Variants in PRSS21 observed in about 807,000 individuals in gnomAD.
The protein encoded by PRSS21 is testisin.
In PRSS21, 40 loss-of-function variants were observed where a neutral mutation model predicts 31.1. The ratio of observed to expected loss-of-function variants is 1.29; its 90% CI spans 1.00 to 1.68. The LOEUF is 1.68. PRSS21 is among the 40% of genes most tolerant of loss of function. The pLI is 0.00. For missense variants in PRSS21, 467 were observed against 412.6 expected (o/e 1.13, Z -1.14); for synonymous variants, 186 against 167.7 (o/e 1.11, Z -0.84).
rs774057105 is a variant in PRSS21, at chr16:2,821,558, C to A, written c.898C>A (p.Leu300Ile). The change falls in exon 6 of 6, where the codon CTC (leucine) becomes ATC (isoleucine). Residue 300 changes from leucine (L) to isoleucine (I), a missense_variant. Coordinates refer to ENST00000005995, the MANE Select transcript of PRSS21 (RefSeq NM_006799.4). ...CCAGCCAGACCCCTCCTGGCCGCTA[C>A]TCTTTTTCCCTCTTCTCTGGGCTCT... ...MSQPDPSWPL[L>I]FFPLLWALPL... 3.1e-6 allele frequency: 5 copies of A among 1,614,012 alleles called. No individual in the cohort carries two copies. The Admixed American group carries it at 8.3e-5, about 27-fold the overall frequency.
At chr16:2,820,101 G>C (rs116539773) in intron 4 of PRSS21, among the ~76,000 whole-genome samples, 10 of 152,312 alleles carry the variant, frequency 6.6e-5, no homozygotes, top group Admixed American at 2.0e-4. Context: ...CAGGGGACAG[G>C]CACTTCTGGA....
Position 2,817,658 on chromosome 16 carries a change from C to T in PRSS21, c.92-143C>T. On this transcript the variant is annotated intron_variant, in intron 2 of 5. Coordinates refer to ENST00000005995, the MANE Select transcript of PRSS21 (RefSeq NM_006799.4). The surrounding 1 kb of genome is among the most constrained non-coding windows in gnomAD (Gnocchi z 4.2). ...GAGCACGTGGGAGGATCTCCAGTGT[C>T]ACCTACTTCCTGCTGCACACACGCG... 1 of 1,276,970 alleles carries T rather than the reference C, an allele frequency of 7.8e-7. No individual in the cohort carries two copies. The highest frequency in any genetic ancestry group is 1.4e-5 in the South Asian group (1 of 69,694). The allele number at this position is 1,276,970 out of a possible 1,614,324, so 79.1% of individuals were successfully genotyped here.
rs1435158125 is a variant in PRSS21 at position 2,817,955 on chromosome 16, C to T, written c.246C>T (p.His82=). Reference sequence around the variant, plus strand: ...ACCGCTGGGCACTCACGGCGGCGCACTGCTTTGAAACGTGAGTGGGGGTGC... The same window carrying T: ...ACCGCTGGGCACTCACGGCGGCGCATTGCTTTGAAACGTGAGTGGGGGTGC... The part of the protein sequence containing the change: ...LSHRWALTAA[H]CFETYSDLSD... Residue 82 remains histidine (H), a synonymous_variant, in exon 3 of 6, where the codon CAC becomes CAT. Coordinates refer to ENST00000005995, the MANE Select transcript of PRSS21 (RefSeq NM_006799.4). This position sits in a 1 kb window ranked among gnomAD's most constrained non-coding sequence, Gnocchi z 4.2. 8 of 1,548,820 alleles carry T rather than the reference C, an allele frequency of 5.2e-6. No individual in the cohort carries two copies. Among genetic ancestry groups the T allele is most frequent in the Non-Finnish European group, 7.0e-6 (8 of 1,146,726 alleles).
In PRSS21 at chr16:2,818,986, G is replaced by A. The variant is rs372758003; in HGVS notation, c.550+17G>A. On this transcript the variant is annotated intron_variant, in intron 4 of 5. Transcript: ENST00000005995. ...AGGATGAGGGTGAGGCTGGGGACAGGCGGGTCAGGGAGGAACTGTCTTTGT... is the reference window on the plus strand; with the variant it reads ...AGGATGAGGGTGAGGCTGGGGACAGACGGGTCAGGGAGGAACTGTCTTTGT... The A allele has an allele frequency of 4.0e-5, 65 of 1,612,032 alleles. No individual in the cohort carries two copies. The African/African-American group carries it at 7.6e-4, about 19-fold the overall frequency.
rs71386691 is a variant in PRSS21 at position 2,817,449 on chromosome 16, G to C, written c.84G>C (p.Pro28=). 0.49 allele frequency: 780,898 copies of C among 1,581,990 alleles called. 193,723 individuals carry two copies. Among genetic ancestry groups the C allele is most frequent in the Middle Eastern group, 0.6 (2,624 of 4,402 alleles). Residue 28 remains proline (P), a synonymous_variant, in exon 2 of 6, where the codon CCG becomes CCC. Coordinates refer to ENST00000005995, the MANE Select transcript of PRSS21 (RefSeq NM_006799.4). This position sits in a 1 kb window ranked among gnomAD's most constrained non-coding sequence, Gnocchi z 4.2. Reference sequence around the variant, plus strand: ...CCGCAGAGTCGCAGGAGGCGGCGCCGTTATCAGGTAGGGCGCCCAGGACGC... The same window carrying C: ...CCGCAGAGTCGCAGGAGGCGGCGCCCTTATCAGGTAGGGCGCCCAGGACGC... ...LRKPESQEAA[P]LSGPCGRRVI...
At chr16:2,818,637 TC>T in intron 3 of PRSS21, 39 bp from the exon 4 acceptor site, 1 of 1,593,396 alleles carries the variant, frequency 6.3e-7, no homozygotes, top group Non-Finnish European at 8.6e-7. Context: ...TAGCCAGCCC[TC>T]CATCCAGGGC....
chr16:2,820,946 T>C lies in PRSS21; in HGVS notation c.551-9T>C, dbSNP rs1222609186. On this transcript the variant is annotated splice_polypyrimidine_tract_variant and intron_variant, in intron 4 of 5. Coordinates refer to ENST00000005995, the MANE Select transcript of PRSS21 (RefSeq NM_006799.4). ...GCTGTCTCTCTCCTTCCCACTATCG[T>C]CCGCACAGCACTGCCATCTCCCCAC... 6.2e-7 allele frequency: 1 copy of C among 1,612,574 alleles called. No individual in the cohort carries two copies. Among genetic ancestry groups the C allele is most frequent in the South Asian group, 1.1e-5 (1 of 91,028 alleles).
In PRSS21 at chr16:2,821,436, G is replaced by C. The variant is rs377254300; in HGVS notation, c.776G>C (p.Gly259Ala). ...TATCAGATTGGAGTCGTGAGCTGGG[G>C]AGTGGGCTGTGGTCGGCCCAATCGG... ...LWYQIGVVSW[G>A]VGCGRPNRPG... The change falls in exon 6 of 6, where the codon GGA becomes GCA. Residue 259 changes from glycine (G) to alanine (A), a missense_variant. Physicochemically the swap from Gly to Ala is moderately conservative, Grantham distance 60 (BLOSUM62 0). Transcript: ENST00000005995. The C allele has an allele frequency of 1.3e-5, 21 of 1,614,132 alleles. No individual in the cohort carries two copies. The African/African-American group carries it at 2.1e-4, about 16-fold the overall frequency.
Position 2,817,241 on chromosome 16 carries a change from G to C in PRSS21, c.-28G>C, listed in dbSNP as rs746425252. 4.7e-6 allele frequency: 7 copies of C among 1,483,528 alleles called. No homozygotes were observed. In the Admixed American group the frequency reaches 7.1e-5, roughly 15 times the overall value. The allele number at this position is 1,483,528 out of a possible 1,614,324, so 91.9% of individuals were successfully genotyped here. On this transcript the variant is annotated 5_prime_UTR_variant, in exon 1 of 6. Coordinates refer to ENST00000005995, the MANE Select transcript of PRSS21 (RefSeq NM_006799.4). This position sits in a 1 kb window ranked among gnomAD's most constrained non-coding sequence, Gnocchi z 4.2. ...GGGCCCGGCGCGAGAGGAGGCAGAG[G>C]GGGCGTCAGGCCGCGGGAGAGGAGG...
rs1445322925 is a variant in PRSS21 at position 2,817,335 on chromosome 16, G to A, written c.64+3G>A. The A allele has an allele frequency of 1.9e-6, 3 of 1,556,526 alleles. No individual in the cohort carries two copies. The South Asian group carries it at 3.5e-5, about 18-fold the overall frequency. ...TCGGGCTGGACTCAGGAAGCCGGGTGAGCTCGGGGCGCTGCTGGCGGGATG... is the reference window on the plus strand; with the variant it reads ...TCGGGCTGGACTCAGGAAGCCGGGTAAGCTCGGGGCGCTGCTGGCGGGATG... On this transcript the variant is annotated splice_donor_region_variant and intron_variant, in intron 1 of 5. Transcript: ENST00000005995. The surrounding 1 kb of genome is among the most constrained non-coding windows in gnomAD (Gnocchi z 4.2).
At chr16:2,818,060 T>C in intron 3 of PRSS21, 94 bp downstream of exon 3, 3 of 1,429,148 alleles carry the variant, frequency 2.1e-6, no homozygotes, top group Non-Finnish European at 1.9e-6. Flanking sequence ...GATGCCAGAC[T>C]TGGGCGTGAA....
rs1415080268 is a variant in PRSS21 at position 2,818,981 on chromosome 16, G to T, written c.550+12G>T. 6.2e-7 allele frequency: 1 copy of T among 1,612,592 alleles called. No individual in the cohort carries two copies. Among genetic ancestry groups the T allele is most frequent in the Non-Finnish European group, 8.5e-7 (1 of 1,178,812 alleles). ...CAAAGAGGATGAGGGTGAGGCTGGG[G>T]ACAGGCGGGTCAGGGAGGAACTGTC... On this transcript the variant is annotated intron_variant, in intron 4 of 5. Transcript: ENST00000005995.
In PRSS21 at chr16:2,820,289, C is replaced by T. The variant is rs141417449; in HGVS notation, c.551-666C>T. 9.8e-5 allele frequency among the ~76,000 whole-genome samples: 15 copies of T among 152,344 alleles called. No homozygotes were observed. The East Asian group carries it at 1.7e-3, about 18-fold the overall frequency. On this transcript the variant is annotated intron_variant, in intron 4 of 5. Transcript: ENST00000005995. ...GAGGGCTTAGGAGAGGCCCCGCTGA[C>T]GGGAAGCGCTGCCTGCAGGTTGGGT... is the stretch of plus-strand genomic sequence containing the variant.
rs370653701 is a variant in PRSS21, at chr16:2,821,632, G to A, written c.*27G>A. ...CCTACCTGAGCCCATGCAGCCTGGG[G>A]CCACTGCCAAGTCAGGCCCTGGTTC... On this transcript the variant is annotated 3_prime_UTR_variant, in exon 6 of 6. Transcript: ENST00000005995. The A allele has an allele frequency of 7.6e-5, 122 of 1,599,200 alleles. No individual in the cohort carries two copies. The African/African-American group carries it at 1.5e-3, about 20-fold the overall frequency.
Position 2,818,765 on chromosome 16 carries a change from T to A in PRSS21, c.346T>A (p.Tyr116Asn). 6.2e-7 allele frequency: 1 copy of A among 1,613,618 alleles called. No homozygotes were observed. ...ATCCTTCTGGAGCCTGCAGGCCTAC[T>A]ACACCCGTTACTTCGTATCGAATAT... ...MPSFWSLQAY[Y>N]TRYFVSNIYL... is the part of the protein sequence containing the mutation. The change falls in exon 4 of 6, where the codon TAC becomes AAC. Residue 116 changes from tyrosine (Y) to asparagine (N), a missense_variant. Tyr to Asn is a moderately radical substitution (Grantham distance 143). Transcript: ENST00000005995.
In PRSS21 at chr16:2,817,682, C is replaced by T; in HGVS notation, c.92-119C>T. The T allele has an allele frequency of 2.2e-6, 3 of 1,369,094 alleles. No individual in the cohort carries two copies. The highest frequency in any genetic ancestry group is 2.5e-5 in the East Asian group (1 of 39,804). 84.8% of individuals were successfully genotyped at this position (1,369,094 alleles called of 1,614,324 possible). Reference sequence around the variant, plus strand: ...TCACCTACTTCCTGCTGCACACACGCGAGGGGACCCTGGGTGGGCAAAAAC... The same window carrying T: ...TCACCTACTTCCTGCTGCACACACGTGAGGGGACCCTGGGTGGGCAAAAAC... On this transcript the variant is annotated intron_variant, in intron 2 of 5. Coordinates refer to ENST00000005995, the MANE Select transcript of PRSS21 (RefSeq NM_006799.4). The surrounding 1 kb of genome is among the most constrained non-coding windows in gnomAD (Gnocchi z 4.2).
Position 2,817,240 on chromosome 16 carries a change from G to T in PRSS21, c.-29G>T, listed in dbSNP as rs904449790. ...CGGGCCCGGCGCGAGAGGAGGCAGA[G>T]GGGGCGTCAGGCCGCGGGAGAGGAG... On this transcript the variant is annotated 5_prime_UTR_variant, in exon 1 of 6. The change creates a new upstream start codon in the 5' untranslated region. Transcript: ENST00000005995. The surrounding 1 kb of genome is among the most constrained non-coding windows in gnomAD (Gnocchi z 4.2). 4 of 1,482,654 alleles carry T rather than the reference G, an allele frequency of 2.7e-6. No individual in the cohort carries two copies. In the African/African-American group the frequency reaches 4.4e-5, roughly 16 times the overall value. 91.8% of individuals were successfully genotyped at this position (1,482,654 alleles called of 1,614,324 possible). A position where few individuals can be genotyped will look rare whatever the true frequency, so the allele number is the denominator to read the frequency against.
Position 2,818,081 on chromosome 16 carries a change from G to C in PRSS21, c.257+115G>C, listed in dbSNP as rs1233765088. 6.9e-6 allele frequency: 9 copies of C among 1,309,732 alleles called. No homozygotes were observed. In the East Asian group the frequency reaches 2.3e-4, roughly 33 times the overall value. 81.1% of individuals were successfully genotyped at this position (1,309,732 alleles called of 1,614,324 possible). A position where few individuals can be genotyped will look rare whatever the true frequency, so the allele number is the denominator to read the frequency against. On this transcript the variant is annotated intron_variant, in intron 3 of 5. Transcript: ENST00000005995. The stretch of plus-strand genomic sequence containing the variant: ...AGACTTGGGCGTGAAAGTTGTGCGT[G>C]GATGCGGCCTGGTGTTCTCCTGAGC...
rs745870363 is a variant in PRSS21, at chr16:2,821,044, C to T, written c.640C>T (p.Arg214Cys). 1.1e-5 allele frequency: 17 copies of T among 1,614,040 alleles called. No homozygotes were observed. In the East Asian group the frequency reaches 1.3e-4, roughly 13 times the overall value. The change falls in exon 5 of 6, where the codon CGC becomes TGC. Residue 214 changes from arginine (R) to cysteine (C), a missense_variant. By Grantham distance (180) the Arg-to-Cys change is radical. Coordinates refer to ENST00000005995, the MANE Select transcript of PRSS21 (RefSeq NM_006799.4). ...CCACCTCTTCCTCAAGTACAGTTTC[C>T]GCAAGGACATCTTTGGAGACATGGT... ...CNHLFLKYSF[R>C]KDIFGDMVCA...
Sources: allele counts gnomAD v4.1 joint callset (sites outside exome capture counted in the v4.1 genomes callset), GRCh38; gene constraint gnomAD v4.1.1; non-coding constraint Gnocchi (gnomAD v3.1); transcripts MANE v1.5; gene names NCBI Gene and HGNC (gene_info 2026-07-23, HGNC 2026-07-21).